The following FSHR variants were observed in gnomAD, a reference collection of about 807,000 sequenced individuals.
FSHR encodes the protein follicle-stimulating hormone receptor.
In FSHR, 46 loss-of-function variants were observed where a neutral mutation model predicts 52.1. That is an observed-to-expected ratio of 0.88 (90% CI 0.70 to 1.13). The LOEUF is 1.13. Among genes scored for constraint, FSHR ranks in the 50% most tolerant of loss-of-function variants. The probability of loss-of-function intolerance (pLI) is 0.00; values close to 1 mark genes in which losing one functional copy is unlikely to be tolerated. For synonymous variants in FSHR, 399 were observed against 309.6 expected (o/e 1.29, Z -3.03); for missense variants, 964 against 834.6 (o/e 1.16, Z -1.91).
intron 8 of FSHR, among the ~76,000 whole-genome samples, chr2:48,969,133 C>T (rs1674618018): frequency 6.6e-6 from 1 of 152,150 alleles, no homozygotes; most frequent in Non-Finnish European, 1.5e-5. Context: ...CCTGGATATA[C>T]TTACATCCTG....
intron 8 of FSHR, among the ~76,000 whole-genome samples, chr2:48,980,172 GA>G (rs1234936150): frequency 1.3e-5 from 2 of 152,236 alleles, no homozygotes; most frequent in Non-Finnish European, 2.9e-5. Context: ...AGGGGGAAAA[GA>G]GGAAATTCGC....
intron 1 of FSHR, among the ~76,000 whole-genome samples, chr2:49,144,892 G>A (rs1402966485): frequency 1.3e-5 from 2 of 152,018 alleles, no homozygotes; most frequent in Non-Finnish European, 2.9e-5. Context: ...GAAATTTAGA[G>A]GACAAGGAAA....
intron 8 of FSHR, among the ~76,000 whole-genome samples, chr2:48,981,088 C>T (rs879659375): frequency 6.6e-6 from 1 of 152,124 alleles, no homozygotes; most frequent in Non-Finnish European, 1.5e-5. Flanking sequence ...CATTTGTCTC[C>T]CGAGTACTCT....
At chr2:49,011,283 T>C (rs554691134) in intron 4 of FSHR, among the ~76,000 whole-genome samples, 2 of 152,244 alleles carry the variant, frequency 1.3e-5, no homozygotes, top group Admixed American at 1.3e-4. Context: ...CATTTCATTA[T>C]GTACCCACTA....
At chr2:48,982,096 A>G (rs1401508273) in intron 8 of FSHR, among the ~76,000 whole-genome samples, 2 of 152,168 alleles carry the variant, frequency 1.3e-5, no homozygotes, top group Admixed American at 1.3e-4. Context: ...ACATTTTTAA[A>G]AAGCCTTTTT....
At chr2:49,060,421 C>T (rs1046711561) in intron 2 of FSHR, among the ~76,000 whole-genome samples, 1 of 152,154 alleles carries the variant, frequency 6.6e-6, no homozygotes, top group African/African-American at 2.4e-5. Context: ...TCTCCAGTGC[C>T]TAAGTTGAAA....
chr2:49,105,226 C>G (rs948913467), intron 1 of FSHR, among the ~76,000 whole-genome samples: 1 of 152,048 alleles, frequency 6.6e-6, no homozygotes, highest in Non-Finnish European at 1.5e-5. Context: ...AGAAAGGGAG[C>G]CTATGTTGAA....
intron 4 of FSHR, among the ~76,000 whole-genome samples, chr2:48,994,053 A>T (rs1368352637): frequency 1.3e-5 from 2 of 152,178 alleles, no homozygotes; most frequent in Non-Finnish European, 2.9e-5. Context: ...GGCAAGATTC[A>T]TGTTTTCCCT....
At chr2:48,979,086 T>G (rs1417706506) in intron 8 of FSHR, among the ~76,000 whole-genome samples, 1 of 152,062 alleles carries the variant, frequency 6.6e-6, no homozygotes, top group Non-Finnish European at 1.5e-5. Flanking sequence ...CAGCATCAGT[T>G]TCACTAGGAA....
intron 1 of FSHR, among the ~76,000 whole-genome samples, chr2:49,102,758 C>T (rs542226832): frequency 4.0e-5 from 6 of 151,732 alleles, no homozygotes; most frequent in East Asian, 3.9e-4. Context: ...GAGTTGTATC[C>T]GAAATAATAA....
chr2:49,096,823 C>T (rs922262163), intron 1 of FSHR, among the ~76,000 whole-genome samples: 2 of 152,078 alleles, frequency 1.3e-5, no homozygotes, highest in African/African-American at 4.8e-5. Context: ...TAGTGCTGTC[C>T]TTGTGATAGT....
chr2:49,081,620 A>G (rs1404222505), intron 1 of FSHR, among the ~76,000 whole-genome samples: 1 of 152,182 alleles, frequency 6.6e-6, no homozygotes, highest in African/African-American at 2.4e-5. Context: ...TGCCTGAATG[A>G]TTTCTGTAAA....
intron 1 of FSHR, among the ~76,000 whole-genome samples, chr2:49,088,448 G>A (rs1670479691): frequency 6.6e-6 from 1 of 152,222 alleles, no homozygotes. Flanking sequence ...AATTAATTCA[G>A]AATTGAACTT....
intron 1 of FSHR, among the ~76,000 whole-genome samples, chr2:49,143,656 A>C (rs1023458253): frequency 6.6e-6 from 1 of 152,216 alleles, no homozygotes; most frequent in African/African-American, 2.4e-5. Flanking sequence ...CAGAAGAACA[A>C]GAGCAAGAAA....
chr2:49,095,088 C>T (rs2349713), intron 1 of FSHR, among the ~76,000 whole-genome samples: 40,349 of 151,844 alleles, frequency 0.27, 5,775 homozygotes, highest in African/African-American at 0.38. Flanking sequence ...TCTATCAAAA[C>T]GCTAGCTGCT....
intron 1 of FSHR, among the ~76,000 whole-genome samples, chr2:49,105,304 C>A (rs998871446): frequency 2.0e-5 from 3 of 152,088 alleles, no homozygotes; most frequent in African/African-American, 7.2e-5. Flanking sequence ...TGGTATATCT[C>A]AATCATGTTG....
intron 1 of FSHR, among the ~76,000 whole-genome samples, chr2:49,074,056 C>A (rs72879806): frequency 0.031 from 4,637 of 151,956 alleles, 219 homozygotes; most frequent in African/African-American, 0.11. Flanking sequence ...ACTCAGAGAC[C>A]TAAATATAAG....
chr2:49,075,455 C>T (rs1262383334), intron 1 of FSHR, among the ~76,000 whole-genome samples: 1 of 151,862 alleles, frequency 6.6e-6, no homozygotes, highest in Non-Finnish European at 1.5e-5. Flanking sequence ...AGATCAACAA[C>T]AGCAAAAGCT....
chr2:49,116,624 G>T (rs4971643), intron 1 of FSHR, among the ~76,000 whole-genome samples: 31,083 of 152,156 alleles, frequency 0.2, 3,358 homozygotes, highest in African/African-American at 0.3. Flanking sequence ...GAAGATGTCA[G>T]CTAGAATGTT....
Sources: allele counts gnomAD v4.1 joint callset (sites outside exome capture counted in the v4.1 genomes callset), GRCh38; gene constraint gnomAD v4.1.1; transcripts MANE v1.5; gene names NCBI Gene and HGNC (gene_info 2026-07-23, HGNC 2026-07-21).